Variants in NFX1 observed in about 807,000 individuals in gnomAD.
NFX1 encodes transcriptional repressor NF-X1.
In NFX1, 69 loss-of-function variants were observed where a neutral mutation model predicts 137.2. That is an observed-to-expected ratio of 0.50 (90% CI 0.41 to 0.61). NFX1 has a LOEUF of 0.61. Among genes scored for constraint, NFX1 ranks in the 20% least tolerant of loss-of-function variants. NFX1 has a pLI of 0.00. For missense variants in NFX1, 1,167 were observed against 1,391.0 expected (o/e 0.84, Z 2.56); for synonymous variants, 495 against 474.1 (o/e 1.04, Z -0.57).
chr9:33,366,211 G>A (rs1824164435), intron 21 of NFX1, among the ~76,000 whole-genome samples: 1 of 152,054 alleles, frequency 6.6e-6, no homozygotes, highest in African/African-American at 2.4e-5. Context: ...TTCTCTGCTT[G>A]TGTGTCTGTA....
At chr9:33,363,766 T>A (rs1189181376) in intron 19 of NFX1, among the ~76,000 whole-genome samples, 2 of 152,170 alleles carry the variant, frequency 1.3e-5, no homozygotes, top group Non-Finnish European at 2.9e-5. Context: ...CTTCCCCAAA[T>A]AATCTAAGTC....
chr9:33,334,087 G>A (rs138759567), intron 11 of NFX1, among the ~76,000 whole-genome samples: 3,198 of 152,306 alleles, frequency 0.021, 128 homozygotes, highest in African/African-American at 0.073. Flanking sequence ...AGAGGTTGCA[G>A]TGAACTGAGA....
At chr9:33,360,630 T>C (rs1184033884) in intron 19 of NFX1, among the ~76,000 whole-genome samples, 1 of 152,212 alleles carries the variant, frequency 6.6e-6, no homozygotes, top group Non-Finnish European at 1.5e-5. Context: ...CACACACATA[T>C]ATACACGCAT....
At chr9:33,368,758 C>T (rs995795432) in intron 23 of NFX1, among the ~76,000 whole-genome samples, 5 of 152,172 alleles carry the variant, frequency 3.3e-5, no homozygotes, top group Non-Finnish European at 1.5e-5. Flanking sequence ...AGGGTGGTTA[C>T]GGCAGTTCAC....
chr9:33,305,558 A>G (rs761826812), intron 4 of NFX1, among the ~76,000 whole-genome samples: 4 of 152,148 alleles, frequency 2.6e-5, no homozygotes, highest in Non-Finnish European at 5.9e-5. Context: ...TTCTTTATGG[A>G]GATTAGTTTG....
intron 2 of NFX1, among the ~76,000 whole-genome samples, chr9:33,298,883 T>TG (rs1300550763): frequency 6.6e-6 from 1 of 152,138 alleles, no homozygotes; most frequent in Non-Finnish European, 1.5e-5. Flanking sequence ...TAGGAGATGA[T>TG]GGAGACTTAG....
At chr9:33,303,032 GTCAGTATTGTGAATTTGTTCC>G (rs1029554845) in intron 3 of NFX1, among the ~76,000 whole-genome samples, 138 bp from the exon 4 acceptor site, 4 of 149,190 alleles carry the variant, frequency 2.7e-5, no homozygotes, top group African/African-American at 9.9e-5. Flanking sequence ...AAGCTAAGCA[GTCAGTATTGTGAATTTGTTCC>G]TTAAATGTCT....
intron 1 of NFX1, among the ~76,000 whole-genome samples, chr9:33,291,523 G>A (rs1056379151): frequency 6.6e-6 from 1 of 152,192 alleles, no homozygotes; most frequent in Non-Finnish European, 1.5e-5. Context: ...CTCTGTCCCT[G>A]ACCAGCCGTT....
chr9:33,338,050 G>GAA (rs753944671), intron 11 of NFX1, among the ~76,000 whole-genome samples: 1 of 131,418 alleles, frequency 7.6e-6, no homozygotes. Flanking sequence ...CCCTGTCTCA[G>GAA]AAAAAAAAAA....
At chr9:33,347,608 G>C in intron 15 of NFX1, 1 of 309,796 alleles carries the variant, frequency 3.2e-6, no homozygotes, top group Non-Finnish European at 6.5e-6. Context: ...CAACCACTGT[G>C]GAAAACTGTG....
chr9:33,298,844 A>G (rs1821451812), intron 2 of NFX1, among the ~76,000 whole-genome samples: 1 of 152,182 alleles, frequency 6.6e-6, no homozygotes, highest in Non-Finnish European at 1.5e-5. Context: ...GCAACAGGAC[A>G]AGTTAGGAGG....
intron 13 of NFX1, 115 bp from the exon 14 acceptor site, chr9:33,343,954 C>T (rs1447591494): frequency 2.9e-6 from 4 of 1,371,788 alleles, no homozygotes; most frequent in African/African-American, 1.4e-5. Context: ...GTAGCACCCC[C>T]ATAAATTCTC....
chr9:33,316,154 G>A (rs1435570426), intron 7 of NFX1, among the ~76,000 whole-genome samples: 1 of 152,068 alleles, frequency 6.6e-6, no homozygotes, highest in Admixed American at 6.6e-5. Flanking sequence ...TTTTATCCCA[G>A]GCTGAAAATG....
chr9:33,312,096 A>C (rs1428386938), intron 6 of NFX1, among the ~76,000 whole-genome samples: 1 of 152,192 alleles, frequency 6.6e-6, no homozygotes, highest in Non-Finnish European at 1.5e-5. Flanking sequence ...TCTGAGGCCC[A>C]GTAAGATCTT....
intron 19 of NFX1, among the ~76,000 whole-genome samples, chr9:33,356,043 A>G (rs1311199930): frequency 6.6e-6 from 1 of 152,226 alleles, no homozygotes; most frequent in Non-Finnish European, 1.5e-5. Flanking sequence ...ATGTGTGTTC[A>G]GCATTAGTAG....
chr9:33,322,471 T>G (rs1822422566), intron 9 of NFX1, among the ~76,000 whole-genome samples: 1 of 152,090 alleles, frequency 6.6e-6, no homozygotes. Context: ...TCAACATTTC[T>G]CTACCCCTCC....
chr9:33,351,191 T>G (rs1235656409), intron 15 of NFX1, among the ~76,000 whole-genome samples: 2 of 151,482 alleles, frequency 1.3e-5, no homozygotes, highest in Non-Finnish European at 2.9e-5. Flanking sequence ...GATGCAGTGG[T>G]TCACACCTGT....
chr9:33,365,143 G>A (rs907453130), intron 21 of NFX1: 7 of 253,434 alleles, frequency 2.8e-5, no homozygotes, highest in East Asian at 3.1e-4. Flanking sequence ...GTGTGGTGGC[G>A]GGCACCTGTT....
At chr9:33,336,780 A>G (rs1055400238) in intron 11 of NFX1, among the ~76,000 whole-genome samples, 1 of 152,020 alleles carries the variant, frequency 6.6e-6, no homozygotes, top group Non-Finnish European at 1.5e-5. Context: ...ATTAACTTTT[A>G]ATTAAGTTTT....
Sources: gnomAD v4.1 joint callset for allele counts (sites outside exome capture counted in the v4.1 genomes callset) on GRCh38, gnomAD v4.1.1 for gene constraint, MANE v1.5 for transcripts, NCBI Gene and HGNC (gene_info 2026-07-23, HGNC 2026-07-21) for gene names.